Variants in PPP4R3B observed in about 807,000 individuals in gnomAD.
The protein encoded by PPP4R3B is protein phosphatase 4 regulatory subunit 3B.
Under a neutral mutation model 95.4 loss-of-function variants are expected in PPP4R3B, and 52 were observed. The ratio of observed to expected loss-of-function variants is 0.54; its 90% CI spans 0.44 to 0.69. The LOEUF (loss-of-function observed/expected upper bound fraction) is 0.69. Ranked by LOEUF, PPP4R3B falls within the 30% of genes least tolerant of loss-of-function variation. The probability of loss-of-function intolerance (pLI) is 0.00; values close to 1 mark genes in which losing one functional copy is unlikely to be tolerated. For missense variants in PPP4R3B, 1,003 were observed against 1,005.9 expected (o/e 1.00, Z 0.04); for synonymous variants, 407 against 343.9 (o/e 1.18, Z -2.03).
At chr2:55,614,632 CT>C (rs1463683971) in intron 2 of PPP4R3B, 4 of 152,030 alleles carry the variant, frequency 2.6e-5, no homozygotes, top group Non-Finnish European at 5.9e-5. Flanking sequence ...TAGTGGTTAC[CT>C]ATGTAGGGGA....
chr2:55,559,708 GAATTTTAAGTC>G (rs1686347187), intron 15 of PPP4R3B, among the ~76,000 whole-genome samples: 1 of 152,150 alleles, frequency 6.6e-6, no homozygotes, highest in Non-Finnish European at 1.5e-5. Context: ...CAGCTATGTG[GAATTTTAAGTC>G]AATTATACCT....
chr2:55,606,960 T>C (rs1693502458), intron 2 of PPP4R3B, among the ~76,000 whole-genome samples: 5 of 152,138 alleles, frequency 3.3e-5, no homozygotes, highest in Admixed American at 2.6e-4. Flanking sequence ...TAGCAGTAAA[T>C]GTAAATTTAA....
Position 55,549,401 on chromosome 2 carries a change from C to T in PPP4R3B, c.*510G>A, listed in dbSNP as rs1206797805. 2 of 153,216 alleles carry T rather than the reference C, an allele frequency of 1.3e-5. No homozygotes were observed. The highest frequency in any genetic ancestry group is 3.9e-4 in the East Asian group (2 of 5,188). 9.5% of individuals were successfully genotyped at this position (153,216 alleles called of 1,614,324 possible). A position where few individuals can be genotyped will look rare whatever the true frequency, so the allele number is the denominator to read the frequency against. On this transcript the variant is annotated 3_prime_UTR_variant, in exon 17 of 17. Coordinates refer to ENST00000616407, the MANE Select transcript of PPP4R3B (RefSeq NM_001122964.3). ...TTTTGTTAAATCTTAAAGAAATGGT[C>T]CCAACAGCTTAACTTCATTTTTTTA...
chr2:55,609,691 C>CA (rs1693908075), intron 2 of PPP4R3B, among the ~76,000 whole-genome samples: 1 of 145,300 alleles, frequency 6.9e-6, no homozygotes, highest in Non-Finnish European at 1.5e-5. Context: ...ACAAAAAAAA[C>CA]AAAAAAACTC....
rs144927917 is a variant in PPP4R3B, at chr2:55,593,565, T to C, written c.922-4609A>G. ...AAACACCTACTACCTAACCAAAAAT[T>C]TCTACATGGAAATCTCAGAGTGAGA... On this transcript the variant is annotated intron_variant, in intron 4 of 16. Coordinates refer to ENST00000616407, the MANE Select transcript of PPP4R3B (RefSeq NM_001122964.3). Among the ~76,000 whole-genome samples the C allele has an allele frequency of 3.7e-3, 569 of 152,076 alleles. 2 individuals carry two copies. The highest frequency in any genetic ancestry group is 7.9e-3 in the South Asian group (38 of 4,808).
chr2:55,599,777 C>T (rs1692293324), intron 3 of PPP4R3B, among the ~76,000 whole-genome samples: 1 of 152,070 alleles, frequency 6.6e-6, no homozygotes, highest in Non-Finnish European at 1.5e-5. Flanking sequence ...TTTTCACTTT[C>T]CAACTTCTCA....
Position 55,578,345 on chromosome 2 carries a change from G to A in PPP4R3B, c.1469-3C>T. ...TCTGTAATGTTTTAAAAAAAAATCT[G>A]AAAAAAAATATGGCAAGTTAGTTTT... On this transcript the variant is annotated splice_region_variant and splice_polypyrimidine_tract_variant and intron_variant, in intron 9 of 16. Transcript: ENST00000616407. The A allele has an allele frequency of 7.3e-7, 1 of 1,375,748 alleles. No homozygotes were observed. The highest frequency in any genetic ancestry group is 2.1e-5 in the South Asian group (1 of 47,650). The allele number at this position is 1,375,748 out of a possible 1,614,324, so 85.2% of individuals were successfully genotyped here.
intron 13 of PPP4R3B, among the ~76,000 whole-genome samples, chr2:55,565,251 A>G (rs1687133054): frequency 6.6e-6 from 1 of 152,100 alleles, no homozygotes. Context: ...GAGTCCTTTT[A>G]TAGGACTATA....
At chr2:55,576,099 C>T (rs763669009) in intron 11 of PPP4R3B, among the ~76,000 whole-genome samples, 1 of 152,172 alleles carries the variant, frequency 6.6e-6, no homozygotes, top group Non-Finnish European at 1.5e-5. Context: ...GTAATCCCAG[C>T]ACTTTGGGAG....
Position 55,577,815 on chromosome 2 carries a change from T to TA in PPP4R3B, c.1564+431dup, listed in dbSNP as rs1025203547. Among the ~76,000 whole-genome samples, 204 of 148,792 alleles carry TA rather than the reference T, an allele frequency of 1.4e-3. 2 individuals carry two copies. In the Middle Eastern group the frequency reaches 0.024, roughly 18 times the overall value. ...TAATGAATGTGTTTATGCTTTAAATTAAAAAAAAAACTCAATTAAGTAGGC... is the reference window on the plus strand; with the variant it reads ...TAATGAATGTGTTTATGCTTTAAATTAAAAAAAAAAACTCAATTAAGTAGGC... On this transcript the variant is annotated intron_variant, in intron 10 of 16. Transcript: ENST00000616407.
At chr2:55,557,344 C>T (rs141330186) in intron 16 of PPP4R3B, among the ~76,000 whole-genome samples, 5 of 152,242 alleles carry the variant, frequency 3.3e-5, no homozygotes, top group Admixed American at 6.5e-5. Flanking sequence ...GTGTGTGCCA[C>T]CACACCCAGC....
At chr2:55,604,629 G>A (rs2103766925) in intron 2 of PPP4R3B, among the ~76,000 whole-genome samples, 1 of 152,048 alleles carries the variant, frequency 6.6e-6, no homozygotes, top group East Asian at 1.9e-4. Flanking sequence ...ACAGCACCCA[G>A]TTCAGTACCT....
chr2:55,595,358 A>G (rs928744521), intron 4 of PPP4R3B, among the ~76,000 whole-genome samples: 2 of 151,304 alleles, frequency 1.3e-5, no homozygotes, highest in Admixed American at 1.3e-4. Flanking sequence ...GGCTGGGTAC[A>G]GTGGCTCATA....
chr2:55,565,147 C>G, intron 13 of PPP4R3B, 106 bp from the exon 14 acceptor site: 1 of 815,722 alleles, frequency 1.2e-6, no homozygotes, highest in South Asian at 2.2e-5. Context: ...AAAGGTTTTT[C>G]AAAATCACCT....
intron 14 of PPP4R3B, 93 bp downstream of exon 14, chr2:55,564,809 A>T: frequency 1.4e-6 from 2 of 1,475,922 alleles, no homozygotes; most frequent in Non-Finnish European, 1.8e-6. Flanking sequence ...ATGGAAAGAA[A>T]ATTCCTCAGT....
chr2:55,571,033 G>A (rs534065325), intron 12 of PPP4R3B, among the ~76,000 whole-genome samples: 1 of 152,294 alleles, frequency 6.6e-6, no homozygotes, highest in Admixed American at 6.5e-5. Flanking sequence ...AATTGTGGCT[G>A]GGTGCAGCGG....
At position 55,589,939 on chromosome 2, in the gene PPP4R3B, T is replaced by C. The variant is rs55919437; in HGVS notation, c.922-983A>G. ...TCAAAAAAAAAAAAAATTATATATA[T>C]ATAAAAAATATATATAATTATATAT... is the stretch of plus-strand genomic sequence containing the variant. On this transcript the variant is annotated intron_variant, in intron 4 of 16. Transcript: ENST00000616407. 1.8e-3 allele frequency among the ~76,000 whole-genome samples: 236 copies of C among 133,360 alleles called. 2 individuals carry two copies. In the Middle Eastern group the frequency reaches 0.029, roughly 16 times the overall value. The allele number at this position is 133,360 out of a possible 152,430, so 87.5% of individuals were successfully genotyped here.
At chr2:55,584,260 T>C (rs1689825806) in intron 7 of PPP4R3B, among the ~76,000 whole-genome samples, 1 of 152,226 alleles carries the variant, frequency 6.6e-6, no homozygotes, top group Non-Finnish European at 1.5e-5. Flanking sequence ...GTTCATTTTG[T>C]CCTTAAAATA....
chr2:55,577,962 T>C (rs1308411168), intron 10 of PPP4R3B, among the ~76,000 whole-genome samples: 1 of 152,106 alleles, frequency 6.6e-6, no homozygotes, highest in African/African-American at 2.4e-5. Flanking sequence ...TAGAAACAAA[T>C]GCACATTAGA....
Sources: allele counts gnomAD v4.1 joint callset (sites outside exome capture counted in the v4.1 genomes callset), GRCh38; gene constraint gnomAD v4.1.1; transcripts MANE v1.5; gene names NCBI Gene and HGNC (gene_info 2026-07-23, HGNC 2026-07-21).